MAD1L1: variants seen among roughly 807,000 people sequenced by gnomAD.
MAD1L1 encodes mitotic spindle assembly checkpoint protein MAD1.
A neutral mutation model predicts 96.9 loss-of-function variants in MAD1L1; 95 were observed. That is an observed-to-expected ratio of 0.98 (90% CI 0.83 to 1.16). The LOEUF is 1.16. Among genes scored for constraint, MAD1L1 ranks in the 50% most tolerant of loss-of-function variants. The pLI is 0.00. For missense variants in MAD1L1, 1,007 were observed against 954.4 expected, an observed-to-expected ratio of 1.06 and a Z score of -0.73; for synonymous variants, 473 against 396.6, an observed-to-expected ratio of 1.19 and a Z score of -2.29.
intron 18 of MAD1L1, among the ~76,000 whole-genome samples, chr7:1,893,967 T>C (rs1786711579): frequency 6.6e-6 from 1 of 152,242 alleles, no homozygotes; most frequent in Admixed American, 6.5e-5. Context: ...CTGTTCACTG[T>C]TTGTCTCTTC....
chr7:2,008,436 G>A (rs1350771614), intron 13 of MAD1L1, among the ~76,000 whole-genome samples: 1 of 152,262 alleles, frequency 6.6e-6, no homozygotes, highest in African/African-American at 2.4e-5. Flanking sequence ...TGGGTGACCG[G>A]GTGGAGCCCC....
At chr7:2,155,403 C>G (rs1789780344) in intron 10 of MAD1L1, among the ~76,000 whole-genome samples, 2 of 152,224 alleles carry the variant, frequency 1.3e-5, no homozygotes, top group Admixed American at 1.3e-4. Context: ...GCAACCAGCA[C>G]CACACCTATC....
At chr7:1,979,382 A>T (rs1462528417) in intron 15 of MAD1L1, among the ~76,000 whole-genome samples, 1 of 152,224 alleles carries the variant, frequency 6.6e-6, no homozygotes, top group African/African-American at 2.4e-5. Context: ...TGGCCAATGC[A>T]GGAAAGCCAT....
At position 1,929,558 on chromosome 7, in the gene MAD1L1, G is replaced by C. The variant is rs181105371; in HGVS notation, c.1807+7129C>G. On this transcript the variant is annotated intron_variant, in intron 17 of 18. Coordinates refer to ENST00000265854, the MANE Select transcript of MAD1L1 (RefSeq NM_001013836.2). ...CAAGGGTGTTCCTGCCTGAACTTCC[G>C]AGCAGGGACTCAGATCCCCGAGAGC... 5.1e-4 allele frequency among the ~76,000 whole-genome samples: 77 copies of C among 152,190 alleles called. 2 individuals carry two copies. The East Asian group carries it at 0.01, about 21-fold the overall frequency.
intron 16 of MAD1L1, among the ~76,000 whole-genome samples, chr7:1,945,098 GTC>G (rs1167030404): frequency 6.6e-6 from 1 of 152,144 alleles, no homozygotes; most frequent in Non-Finnish European, 1.5e-5. Context: ...CCAGGCCTCC[GTC>G]TCTCTCTGCA....
chr7:2,057,110 C>T (rs1002507682), intron 12 of MAD1L1, among the ~76,000 whole-genome samples: 33 of 152,252 alleles, frequency 2.2e-4, no homozygotes, highest in African/African-American at 8.0e-4. Context: ...CGCCTCAACG[C>T]GACTGACACC....
At chr7:2,222,846 A>G (rs1434668716) in intron 4 of MAD1L1, 92 bp from the exon 5 acceptor site, 1 of 1,114,140 alleles carries the variant, frequency 9.0e-7, no homozygotes, top group Non-Finnish European at 1.3e-6. Context: ...GAACATGCCG[A>G]GGCACAAAAA....
At position 2,103,730 on chromosome 7, in the gene MAD1L1, T is replaced by A. The variant is rs1271876093; in HGVS notation, c.1074-34392A>T. ...ACTCAGAGGGCAGGTGCTGTCCTCCTCCCTGCCCAGATCCCAGCAGTGTGG... is the reference window on the plus strand; with the variant it reads ...ACTCAGAGGGCAGGTGCTGTCCTCCACCCTGCCCAGATCCCAGCAGTGTGG... On this transcript the variant is annotated intron_variant, in intron 11 of 18. Transcript: ENST00000265854. This position sits in a 1 kb window ranked among gnomAD's most constrained non-coding sequence, Gnocchi z 4.3. Among the ~76,000 whole-genome samples the A allele has an allele frequency of 6.6e-6, 1 of 152,248 alleles. No homozygotes were observed. Among genetic ancestry groups the A allele is most frequent in the South Asian group, 2.1e-4 (1 of 4,820 alleles).
intron 13 of MAD1L1, among the ~76,000 whole-genome samples, chr7:2,014,111 C>A (rs1314985804): frequency 1.3e-5 from 2 of 152,202 alleles, no homozygotes; most frequent in Admixed American, 6.5e-5. Context: ...GCAGCGGGGA[C>A]TAGAGCCCTG....
In MAD1L1 at chr7:1,898,306, T is replaced by C. The variant is rs1554287946; in HGVS notation, c.1892A>G (p.Lys631Arg). Residue 631 changes from lysine to arginine, a missense_variant, in exon 18 of 19, where the codon AAG becomes AGG. Lys to Arg is a conservative substitution (Grantham distance 26). Coordinates refer to ENST00000265854, the MANE Select transcript of MAD1L1 (RefSeq NM_001013836.2). ...GTAGCCGGTGAGCGTGTAGCAGGCC[T>C]TGCGGAACTCCTGGATCTTGGTCTG... ...VFQTKIQEFR[K>R]ACYTLTGYQI... 6.2e-7 allele frequency: 1 copy of C among 1,614,038 alleles called. No individual in the cohort carries two copies. Among genetic ancestry groups the C allele is most frequent in the Non-Finnish European group, 8.5e-7 (1 of 1,179,986 alleles).
chr7:2,196,522 T>C (rs936278691), intron 10 of MAD1L1, among the ~76,000 whole-genome samples: 5 of 152,252 alleles, frequency 3.3e-5, no homozygotes, highest in African/African-American at 2.4e-5. Context: ...AAGCTGTCTG[T>C]GTGTGTGCAC....
In MAD1L1 at chr7:2,219,470, G is replaced by T. The variant is rs759271592; in HGVS notation, c.472-14C>A. The T allele has an allele frequency of 1.2e-6, 2 of 1,612,296 alleles. No homozygotes were observed. Among genetic ancestry groups the T allele is most frequent in the Non-Finnish European group, 1.7e-6 (2 of 1,179,148 alleles). On this transcript the variant is annotated splice_polypyrimidine_tract_variant and intron_variant, in intron 5 of 18. Transcript: ENST00000265854. ...TGCGTTGATGGTCTAAAAGTAGAGG[G>T]GACCAGAGAGCCGCTCAGTGAGTGG...
intron 18 of MAD1L1, among the ~76,000 whole-genome samples, chr7:1,855,620 C>T (rs1208304271): frequency 6.6e-6 from 1 of 152,142 alleles, no homozygotes; most frequent in East Asian, 1.9e-4. Context: ...CTCCTCAGAG[C>T]GGCCTTGTCC....
chr7:2,025,688 G>A (rs1490530368), intron 12 of MAD1L1, among the ~76,000 whole-genome samples: 1 of 152,192 alleles, frequency 6.6e-6, no homozygotes, highest in Non-Finnish European at 1.5e-5. Flanking sequence ...ACACGTAAGT[G>A]TATGAATAAA....
At chr7:1,873,677 G>A (rs1461217484) in intron 18 of MAD1L1, among the ~76,000 whole-genome samples, 8 of 152,026 alleles carry the variant, frequency 5.3e-5, no homozygotes, top group Non-Finnish European at 7.4e-5. Context: ...TGTAACCCCC[G>A]ACCACCATGG....
At chr7:1,953,370 C>T (rs975886624) in intron 16 of MAD1L1, among the ~76,000 whole-genome samples, 5 of 152,168 alleles carry the variant, frequency 3.3e-5, no homozygotes, top group Admixed American at 2.0e-4. Flanking sequence ...AGGTTGGCCC[C>T]GGCCACAAAC....
chr7:1,883,479 ATGGGAATCAGCCCAGCTCCCCAC>A (rs1302335489), intron 18 of MAD1L1, among the ~76,000 whole-genome samples: 4 of 152,250 alleles, frequency 2.6e-5, no homozygotes, highest in Admixed American at 1.3e-4. Flanking sequence ...GCCCATTTCC[ATGGGAATCAGCCCAGCTCCCCAC>A]TGGCTGCTGC....
intron 7 of MAD1L1, among the ~76,000 whole-genome samples, chr7:2,216,718 C>A (rs1584574141): frequency 6.6e-6 from 1 of 152,092 alleles, no homozygotes. Context: ...TACACAGGAG[C>A]TTTACCTTCT....
intron 12 of MAD1L1, among the ~76,000 whole-genome samples, chr7:2,017,285 G>A (rs1440876135): frequency 1.3e-5 from 2 of 152,208 alleles, no homozygotes; most frequent in Non-Finnish European, 2.9e-5. Flanking sequence ...GTGCTGACGG[G>A]GGCGTCCCAG....
Sources: allele counts gnomAD v4.1 joint callset (sites outside exome capture counted in the v4.1 genomes callset), GRCh38; gene constraint gnomAD v4.1.1; non-coding constraint Gnocchi (gnomAD v3.1); transcripts MANE v1.5; gene names NCBI Gene and HGNC (gene_info 2026-07-23, HGNC 2026-07-21).